Variants in ALG12 observed in about 807,000 individuals in gnomAD.
ALG12 encodes the protein dol-P-Man:Man(7)GlcNAc(2)-PP-Dol alpha-1,6-mannosyltransferase.
In ALG12, 36 loss-of-function variants were observed where a neutral mutation model predicts 46.0. That is an observed-to-expected ratio of 0.78 (90% CI 0.60 to 1.03). ALG12 has a LOEUF of 1.03. Ranked by LOEUF, ALG12 falls within the 50% of genes least tolerant of loss-of-function variation. The pLI is 0.00. For missense variants in ALG12, 599 were observed against 633.5 expected (o/e 0.95, Z 0.58); for synonymous variants, 326 against 291.6 (o/e 1.12, Z -1.20).
chr22:49,899,515 C>A (rs919155308), downstream of ALG12, among the ~76,000 whole-genome samples: 4 of 151,716 alleles, frequency 2.6e-5, no homozygotes, highest in Non-Finnish European at 4.4e-5. Context: ...CACTGAACCA[C>A]CACTCACCCC....
downstream of ALG12, among the ~76,000 whole-genome samples, chr22:49,899,942 T>G (rs984908739): frequency 1.3e-5 from 2 of 152,132 alleles, no homozygotes; most frequent in Non-Finnish European, 2.9e-5. Flanking sequence ...GAGGATTGCT[T>G]GAAGCCTGGA....
chr22:49,918,177 C>T (rs2146625641), intron 1 of ALG12, 86 bp downstream of exon 1: 1 of 152,536 alleles, frequency 6.6e-6, no homozygotes, highest in Admixed American at 6.5e-5. Context: ...GCGCCAGCGC[C>T]AGCTCGGGTC....
At chr22:49,897,884 C>T (rs546582071), downstream of ALG12, among the ~76,000 whole-genome samples, 1 of 151,874 alleles carries the variant, frequency 6.6e-6, no homozygotes, top group South Asian at 2.1e-4. Context: ...TGGTCTCAAC[C>T]TCCTGACCTC....
the ALG12 span, chr22:49,885,418 A>G: frequency 5.6e-6 from 9 of 1,607,772 alleles, no homozygotes; most frequent in South Asian, 9.9e-5. Context: ...TGGCCGGACC[A>G]TCAGCCGGGG....
chr22:49,868,935 A>G, the ALG12 span, among the ~76,000 whole-genome samples: 1 of 145,274 alleles, frequency 6.9e-6, no homozygotes, highest in Admixed American at 7.1e-5. Context: ...AACATGGAGA[A>G]ACTCTGTCTC....
Position 49,901,014 on chromosome 22 carries a change from T to C in ALG12, c.*2824A>G, listed in dbSNP as rs1221282241. The stretch of plus-strand genomic sequence containing the variant: ...GAGGACGCCCTGCCATGCCTGGTCA[T>C]GAGGAGGTGCTCGAAGGAGAGGCAC... On this transcript the variant is annotated 3_prime_UTR_variant, in exon 10 of 10. Coordinates refer to ENST00000330817, the MANE Select transcript of ALG12 (RefSeq NM_024105.4). 6.6e-6 allele frequency: 1 copy of C among 152,352 alleles called. No individual in the cohort carries two copies. Among genetic ancestry groups the C allele is most frequent in the African/African-American group, 2.4e-5 (1 of 41,586 alleles). The allele number at this position is 152,352 out of a possible 1,614,324, so 9.4% of individuals were successfully genotyped here. A position where few individuals can be genotyped will look rare whatever the true frequency, so the allele number is the denominator to read the frequency against.
At chr22:49,883,874 C>G in the ALG12 span, 1 of 1,605,866 alleles carries the variant, frequency 6.2e-7, no homozygotes, top group Admixed American at 1.7e-5. Context: ...TGCAAGCCCC[C>G]GGGGAAGTAC....
At chr22:49,892,187 CAAAAAAAAAAAA>C in the ALG12 span, among the ~76,000 whole-genome samples, 10 of 55,328 alleles carry the variant, frequency 1.8e-4, no homozygotes, top group African/African-American at 5.0e-4. Flanking sequence ...GACTCTGTCT[CAAAAAAAAAAAA>C]AAAAAAAAAA....
the ALG12 span, among the ~76,000 whole-genome samples, chr22:49,859,698 A>G: frequency 6.6e-6 from 1 of 152,248 alleles, no homozygotes; most frequent in African/African-American, 2.4e-5. Context: ...GTCAATTTGA[A>G]TTATAGTTAA....
At chr22:49,865,199 C>T in the ALG12 span, among the ~76,000 whole-genome samples, 1 of 152,184 alleles carries the variant, frequency 6.6e-6, no homozygotes, top group South Asian at 2.1e-4. Flanking sequence ...TACACTGAAG[C>T]CTGTAGGCAT....
rs1049589955 is a variant in ALG12 at position 49,900,557 on chromosome 22, T to G, written c.*3281A>C. ...CAGTGCTTGACGGCACCCGCAGTTGTGGGCAGGGAGTGAACTGCACACAAT... is the reference window on the plus strand; with the variant it reads ...CAGTGCTTGACGGCACCCGCAGTTGGGGGCAGGGAGTGAACTGCACACAAT... On this transcript the variant is annotated 3_prime_UTR_variant, in exon 10 of 10. Transcript: ENST00000330817. 6.6e-6 allele frequency: 1 copy of G among 152,232 alleles called. No homozygotes were observed. 9.4% of individuals were successfully genotyped at this position (152,232 alleles called of 1,614,324 possible). A position where few individuals can be genotyped will look rare whatever the true frequency, so the allele number is the denominator to read the frequency against.
chr22:49,888,570 A>C, the ALG12 span: 1 of 167,300 alleles, frequency 6.0e-6, no homozygotes. Flanking sequence ...ACAGGGCTCC[A>C]GGGAAGTGGA....
the ALG12 span, chr22:49,884,731 A>T: frequency 1.3e-6 from 2 of 1,592,974 alleles, no homozygotes; most frequent in South Asian, 1.1e-5. Flanking sequence ...CACCCCTCCC[A>T]CTCTGCTGCC....
chr22:49,862,144 G>T, the ALG12 span, among the ~76,000 whole-genome samples: 1 of 152,242 alleles, frequency 6.6e-6, no homozygotes, highest in Non-Finnish European at 1.5e-5. Context: ...GCACGGAGCA[G>T]TTGAGATCAT....
downstream of ALG12, among the ~76,000 whole-genome samples, chr22:49,895,367 G>A (rs2060479925): frequency 6.6e-6 from 1 of 152,078 alleles, no homozygotes; most frequent in South Asian, 2.1e-4. Context: ...CATTTTAAAA[G>A]TGGGCCAGGT....
chr22:49,895,246 A>C (rs2060479482), downstream of ALG12, among the ~76,000 whole-genome samples: 1 of 152,188 alleles, frequency 6.6e-6, no homozygotes, highest in Admixed American at 6.5e-5. Context: ...AAGTCTTCCC[A>C]TCCTCCTGCT....
At position 49,903,821 on chromosome 22, in the gene ALG12, GGGCTGCCTGGTCCCCCTCAGGAC is replaced by G; in HGVS notation, c.1461_*16del. 6.2e-7 allele frequency: 1 copy of G among 1,613,642 alleles called. No homozygotes were observed. Among genetic ancestry groups the G allele is most frequent in the Admixed American group, 1.7e-5 (1 of 60,028 alleles). ...CTCCTGGAAGGCCTGTGGCTGCTGAGGGCTGCCTGGTCCCCCTCAGGACGGCCGGGGGAGCCTCTCCAGAAGCA... is the reference window on the plus strand; with the variant it reads ...CTCCTGGAAGGCCTGTGGCTGCTGAGGGCCGGGGGAGCCTCTCCAGAAGCA... On this transcript the variant is annotated stop_lost and 3_prime_UTR_variant, in exon 10 of 10. Transcript: ENST00000330817.
chr22:49,918,236 GC>G, intron 1 of ALG12, 26 bp downstream of exon 1: 1 of 152,444 alleles, frequency 6.6e-6, no homozygotes, highest in Non-Finnish European at 1.5e-5. Context: ...CCGCCTGAAG[GC>G]CCCGGTCGCG....
rs144733989 is a variant in ALG12, at chr22:49,905,312, A to G, written c.993-806T>C. Among the ~76,000 whole-genome samples, 315 of 151,792 alleles carry G rather than the reference A, an allele frequency of 2.1e-3. 2 individuals are homozygous for G. The highest frequency in any genetic ancestry group is 3.3e-3 in the Non-Finnish European group (224 of 67,916). On this transcript the variant is annotated intron_variant, in intron 7 of 9. Transcript: ENST00000330817. The surrounding 1 kb of genome is among the most constrained non-coding windows in gnomAD (Gnocchi z 4.9). ...CGCCCTGAACCCCCGATCAAGACTC[A>G]CTCTCTTCCAAACCCACCAGGCTCC...
Sources: gnomAD v4.1 joint callset for allele counts (sites outside exome capture counted in the v4.1 genomes callset) on GRCh38, gnomAD v4.1.1 for gene constraint, Gnocchi (gnomAD v3.1) non-coding constraint, MANE v1.5 for transcripts, NCBI Gene and HGNC (gene_info 2026-07-23, HGNC 2026-07-21) for gene names.